The following LRBA variants were observed in gnomAD, a reference collection of about 807,000 sequenced individuals.
LRBA encodes LPS responsive beige-like anchor protein.
Under a neutral mutation model 330.0 loss-of-function variants are expected in LRBA, and 176 were observed. The observed-to-expected ratio is 0.53, with a 90% confidence interval of 0.47 to 0.60. The LOEUF (loss-of-function observed/expected upper bound fraction) is 0.60. Ranked by LOEUF, LRBA falls within the 20% of genes least tolerant of loss-of-function variation. LRBA has a pLI of 0.00. For missense variants in LRBA, 3,259 were observed against 3,444.8 expected (o/e 0.95, Z 1.35); for synonymous variants, 1,230 against 1,193.0 (o/e 1.03, Z -0.64).
intron 29 of LRBA, 102 bp downstream of exon 29, chr4:150,831,715 G>T: frequency 2.2e-6 from 2 of 894,778 alleles, no homozygotes; most frequent in Non-Finnish European, 3.2e-6. Flanking sequence ...CCCTTAATTT[G>T]CACAGAAATG....
chr4:150,421,174 A>G (rs1183203968), intron 46 of LRBA, among the ~76,000 whole-genome samples: 2 of 131,820 alleles, frequency 1.5e-5, no homozygotes, highest in Non-Finnish European at 3.1e-5. Context: ...TATATATAAT[A>G]CATAGATAAT....
chr4:150,283,152 C>T lies in LRBA; in HGVS notation c.8120-506G>A, dbSNP rs936718199. On this transcript the variant is annotated intron_variant, in intron 54 of 56. Coordinates refer to ENST00000651943, the MANE Select transcript of LRBA (RefSeq NM_001364905.1). ...AGCCCTCTTCCCCCGCAACTGCTCA[C>T]TACTTTTTTTACACTGAAAGGGGGT... is the stretch of plus-strand genomic sequence containing the variant. Among the ~76,000 whole-genome samples, 4 of 152,212 alleles carry T rather than the reference C, an allele frequency of 2.6e-5. No homozygotes were observed. In the East Asian group the frequency reaches 7.7e-4, roughly 29 times the overall value.
At chr4:150,458,658 C>T (rs1754380280) in intron 44 of LRBA, among the ~76,000 whole-genome samples, 1 of 151,834 alleles carries the variant, frequency 6.6e-6, no homozygotes, top group Non-Finnish European at 1.5e-5. Flanking sequence ...AAGATATCTG[C>T]ATTTATAACT....
chr4:150,758,560 T>A (rs1427045370), intron 35 of LRBA, among the ~76,000 whole-genome samples: 6 of 148,044 alleles, frequency 4.1e-5, no homozygotes, highest in Admixed American at 7.0e-5. Flanking sequence ...GCCCCCTAAT[T>A]GATCTCTTTG....
intron 47 of LRBA, among the ~76,000 whole-genome samples, chr4:150,356,373 T>C (rs994251022): frequency 2.0e-5 from 3 of 152,104 alleles, no homozygotes; most frequent in Non-Finnish European, 2.9e-5. Context: ...GTTTCTGCAA[T>C]AGTTGCCAGA....
intron 47 of LRBA, among the ~76,000 whole-genome samples, chr4:150,400,801 T>C (rs1745358455): frequency 6.6e-6 from 1 of 152,142 alleles, no homozygotes; most frequent in South Asian, 2.1e-4. Flanking sequence ...GATCAGCCAC[T>C]GCACTCCAGC....
rs369815651 is a variant in LRBA at position 150,490,951 on chromosome 4, T to C, written c.6415A>G (p.Asn2139Asp). Residue 2139 changes from asparagine (N) to aspartate (D), a missense_variant, in exon 41 of 57, where the codon AAT becomes GAT. Coordinates refer to ENST00000651943, the MANE Select transcript of LRBA (RefSeq NM_001364905.1). ...SIFSRRYLLQ[N>D]TALEIFMANR... ...GCCATAAAGATCTCCAGGGCTGTATTTTGCAAAAGATAACGACGAGAAAAG... is the reference window on the plus strand; with the variant it reads ...GCCATAAAGATCTCCAGGGCTGTATCTTGCAAAAGATAACGACGAGAAAAG... 28 of 1,609,374 alleles carry C rather than the reference T, an allele frequency of 1.7e-5. No individual in the cohort carries two copies. Among genetic ancestry groups the C allele is most frequent in the Non-Finnish European group, 2.1e-5 (25 of 1,176,938 alleles).
intron 56 of LRBA, 148 bp downstream of exon 56, chr4:150,277,705 T>C (rs1408692115): frequency 1.3e-6 from 1 of 796,680 alleles, no homozygotes; most frequent in East Asian, 2.5e-5. Flanking sequence ...TCTTGCAATG[T>C]TGCCCAGGCT....
intron 17 of LRBA, among the ~76,000 whole-genome samples, chr4:150,884,740 G>C (rs576128518): frequency 6.6e-6 from 1 of 152,004 alleles, no homozygotes; most frequent in Non-Finnish European, 1.5e-5. Flanking sequence ...AAAAAGTCTA[G>C]AGTTGCCCAG....
At chr4:150,921,421 T>C in intron 4 of LRBA, 128 bp from the exon 5 acceptor site, 1 of 622,134 alleles carries the variant, frequency 1.6e-6, no homozygotes, top group East Asian at 2.8e-5. Flanking sequence ...TAGAAAATAA[T>C]TTCTAAGTTA....
chr4:150,444,922 T>C lies in LRBA; in HGVS notation c.6781-8058A>G, dbSNP rs561342683. On this transcript the variant is annotated intron_variant, in intron 44 of 56. Coordinates refer to ENST00000651943, the MANE Select transcript of LRBA (RefSeq NM_001364905.1). ...GTATTAAGTAATTTTTCTACAGGTG[T>C]TTATCTCATTTTGAGAAAATCACAT... Among the ~76,000 whole-genome samples, 7 of 152,276 alleles carry C rather than the reference T, an allele frequency of 4.6e-5. No homozygotes were observed. In the South Asian group the frequency reaches 1.5e-3, roughly 32 times the overall value.
chr4:150,787,143 G>T (rs1382469813), intron 34 of LRBA, among the ~76,000 whole-genome samples: 2 of 151,588 alleles, frequency 1.3e-5, no homozygotes, highest in African/African-American at 4.9e-5. Flanking sequence ...GAGGCGGGAA[G>T]ATCACCGCGG....
At position 150,852,118 on chromosome 4, in the gene LRBA, G is replaced by T. The variant is rs548886957; in HGVS notation, c.3592C>A (p.Gln1198Lys). 1 of 1,614,032 alleles carries T rather than the reference G, an allele frequency of 6.2e-7. No individual in the cohort carries two copies. The highest frequency in any genetic ancestry group is 1.3e-5 in the African/African-American group (1 of 75,028). Residue 1198 changes from glutamine (Q) to lysine (K), a missense_variant, in exon 23 of 57, where the codon CAA becomes AAA. Transcript: ENST00000651943. ...SAMSPETTVS[Q>K]IAVESDLGQM... ...CCAAGGTCTGATTCTACAGCTATTT[G>T]GGAAACAGTAGTTTCTGGTGACATA...
In LRBA at chr4:150,801,731, C is replaced by T. The variant is rs191174229; in HGVS notation, c.5519-3589G>A. Among the ~76,000 whole-genome samples, 5 of 152,256 alleles carry T rather than the reference C, an allele frequency of 3.3e-5. No individual in the cohort carries two copies. The East Asian group carries it at 9.6e-4, about 29-fold the overall frequency. ...CACACAAACTAAGCACAATGAAGTC[C>T]TTCCTGCTAAATAACATGCTCATAG... On this transcript the variant is annotated intron_variant, in intron 33 of 56. Transcript: ENST00000651943.
At chr4:150,622,490 T>C (rs1339173955) in intron 37 of LRBA, among the ~76,000 whole-genome samples, 3 of 152,110 alleles carry the variant, frequency 2.0e-5, no homozygotes, top group African/African-American at 7.2e-5. Flanking sequence ...TGAGCTACAA[T>C]TGTGCCACTG....
intron 2 of LRBA, among the ~76,000 whole-genome samples, chr4:150,947,394 A>G (rs1736359522): frequency 6.6e-6 from 1 of 152,066 alleles, no homozygotes; most frequent in African/African-American, 2.4e-5. Flanking sequence ...AAATCAATTA[A>G]TGTAATCCAC....
chr4:150,331,984 G>C (rs540401403), intron 48 of LRBA, among the ~76,000 whole-genome samples: 1 of 152,150 alleles, frequency 6.6e-6, no homozygotes, highest in Non-Finnish European at 1.5e-5. Context: ...ATATTTTATT[G>C]AGTTGTGAGG....
At position 150,611,943 on chromosome 4, in the gene LRBA, C is replaced by T. The variant is rs186509289; in HGVS notation, c.5922-12812G>A. On this transcript the variant is annotated intron_variant, in intron 37 of 56. Coordinates refer to ENST00000651943, the MANE Select transcript of LRBA (RefSeq NM_001364905.1). ...TCTAAGACAAGGCCTCACTCTGTTG[C>T]TCAGGCTGGAGTGCAGTGGCACAAT... Among the ~76,000 whole-genome samples the T allele has an allele frequency of 2.6e-3, 396 of 152,242 alleles. 6 individuals are homozygous for T. Among genetic ancestry groups the T allele is most frequent in the Admixed American group, 0.024 (361 of 15,290 alleles).
At chr4:150,977,717 C>T (rs1018105027) in intron 2 of LRBA, among the ~76,000 whole-genome samples, 1 of 152,226 alleles carries the variant, frequency 6.6e-6, no homozygotes, top group African/African-American at 2.4e-5. Flanking sequence ...CACAAGCTAA[C>T]TGAAGAGTCC....
Sources: gnomAD v4.1 joint callset for allele counts (sites outside exome capture counted in the v4.1 genomes callset) on GRCh38, gnomAD v4.1.1 for gene constraint, MANE v1.5 for transcripts, NCBI Gene and HGNC (gene_info 2026-07-23, HGNC 2026-07-21) for gene names.